The following DHX9 variants were observed in gnomAD, a reference collection of about 807,000 sequenced individuals.
DHX9 encodes ATP-dependent RNA helicase A.
In DHX9, 27 loss-of-function variants were observed where a neutral mutation model predicts 148.7. The observed-to-expected ratio is 0.18, with a 90% CI of 0.13 to 0.25. The LOEUF is 0.25. DHX9 is among the 10% of genes least tolerant of loss of function. The pLI is 1.00. For synonymous variants in DHX9, 529 were observed against 516.6 expected (o/e 1.02, Z -0.33); for missense variants, 796 against 1,559.6 (o/e 0.51, Z 8.25).
At chr1:182,845,087 T>C (rs1668004119) in intron 3 of DHX9, among the ~76,000 whole-genome samples, 2 of 152,254 alleles carry the variant, frequency 1.3e-5, no homozygotes, top group South Asian at 4.1e-4. Flanking sequence ...AAGAACTCGA[T>C]AGACTTACTT....
intron 12 of DHX9, among the ~76,000 whole-genome samples, chr1:182,863,704 A>T (rs1281123891): frequency 6.6e-6 from 1 of 152,168 alleles, no homozygotes; most frequent in African/African-American, 2.4e-5. Context: ...TTAAATAGTC[A>T]TTGATACGCT....
chr1:182,875,395 G>C (rs1255208341), intron 16 of DHX9, among the ~76,000 whole-genome samples: 1 of 152,182 alleles, frequency 6.6e-6, no homozygotes, highest in East Asian at 1.9e-4. Flanking sequence ...TAAAGTTTAA[G>C]AAACAGCAGC....
At chr1:182,868,212 C>G (rs1648386968) in intron 14 of DHX9, among the ~76,000 whole-genome samples, 1 of 152,072 alleles carries the variant, frequency 6.6e-6, no homozygotes, top group Non-Finnish European at 1.5e-5. Flanking sequence ...ACTGATTCAT[C>G]CATCAGTATG....
At chr1:182,841,910 C>A (rs190257974) in intron 1 of DHX9, among the ~76,000 whole-genome samples, 1 of 152,156 alleles carries the variant, frequency 6.6e-6, no homozygotes, top group African/African-American at 2.4e-5. Context: ...TAATAGGTTA[C>A]CGTCTTCAGT....
Position 182,881,442 on chromosome 1 carries a change from G to T in DHX9, c.2786+17G>T. The T allele has an allele frequency of 6.2e-7, 1 of 1,612,092 alleles. No individual in the cohort carries two copies. Among genetic ancestry groups the T allele is most frequent in the Non-Finnish European group, 8.5e-7 (1 of 1,179,110 alleles). ...TGATGCTAGGTATGAGTAAGATTTG[G>T]GTGAGCTGTCTGTAGTTTCTCATTT... On this transcript the variant is annotated intron_variant, in intron 23 of 27. Transcript: ENST00000367549.
intron 18 of DHX9, 72 bp from the exon 19 acceptor site, chr1:182,876,758 A>AC: frequency 8.4e-7 from 1 of 1,191,676 alleles, no homozygotes; most frequent in South Asian, 1.3e-5. Context: ...TTTGTTACAT[A>AC]CATAAGCAAA....
At chr1:182,856,238 T>G (rs1668249203) in intron 6 of DHX9, among the ~76,000 whole-genome samples, 1 of 152,254 alleles carries the variant, frequency 6.6e-6, no homozygotes, top group Non-Finnish European at 1.5e-5. Context: ...TTCTAGCTCT[T>G]GAGACTCCAG....
At chr1:182,882,914 A>G (rs1227726079) in intron 24 of DHX9, among the ~76,000 whole-genome samples, 1 of 151,830 alleles carries the variant, frequency 6.6e-6, no homozygotes, top group African/African-American at 2.4e-5. Flanking sequence ...GGTTGAGTCT[A>G]TAAGAGAATA....
chr1:182,842,989 C>T (rs1201157258), intron 2 of DHX9, among the ~76,000 whole-genome samples: 4 of 152,062 alleles, frequency 2.6e-5, no homozygotes, highest in African/African-American at 9.7e-5. Flanking sequence ...TTCTTGATTG[C>T]TTCAAATCAA....
intron 8 of DHX9, 112 bp from the exon 9 acceptor site, chr1:182,858,439 G>C: frequency 8.9e-7 from 1 of 1,122,620 alleles, no homozygotes; most frequent in Non-Finnish European, 1.3e-6. Context: ...TCTCACAAAA[G>C]GGAACTGACT....
At chr1:182,870,430 G>A (rs764840552) in intron 14 of DHX9, among the ~76,000 whole-genome samples, 2 of 152,156 alleles carry the variant, frequency 1.3e-5, no homozygotes, top group South Asian at 2.1e-4. Context: ...TAAAATAATC[G>A]AGACAGTGAG....
At chr1:182,854,259 T>TAACCAC in intron 6 of DHX9, 81 bp downstream of exon 6, 1 of 1,312,908 alleles carries the variant, frequency 7.6e-7, no homozygotes, top group South Asian at 1.7e-5. Flanking sequence ...TCTATTTTTG[T>TAACCAC]ACGTTGTCTG....
chr1:182,870,429 C>T (rs571261685), intron 14 of DHX9, among the ~76,000 whole-genome samples: 99 of 152,212 alleles, frequency 6.5e-4, no homozygotes, highest in Non-Finnish European at 1.2e-3. Flanking sequence ...CTAAAATAAT[C>T]GAGACAGTGA....
intron 22 of DHX9, among the ~76,000 whole-genome samples, chr1:182,881,059 T>C (rs1214788754): frequency 6.6e-6 from 1 of 152,238 alleles, no homozygotes; most frequent in African/African-American, 2.4e-5. Context: ...TTATGATAAA[T>C]ATGTGGCCAT....
intron 3 of DHX9, among the ~76,000 whole-genome samples, chr1:182,844,075 G>C (rs938982823): frequency 6.6e-6 from 1 of 152,108 alleles, no homozygotes; most frequent in Non-Finnish European, 1.5e-5. Flanking sequence ...CAGCCTCCGA[G>C]TAGCTGGGAT....
At chr1:182,852,208 G>GACAA in intron 3 of DHX9, 25 bp from the exon 4 acceptor site, 1 of 1,541,802 alleles carries the variant, frequency 6.5e-7, no homozygotes, top group Non-Finnish European at 8.9e-7. Context: ...AGCACTGACA[G>GACAA]CTGCCTTGAC....
Position 182,875,997 on chromosome 1 carries a change from T to TA in DHX9, c.1816-52dup. On this transcript the variant is annotated intron_variant, in intron 16 of 27. Coordinates refer to ENST00000367549, the MANE Select transcript of DHX9 (RefSeq NM_001357.5). ...GTCACTAGAAGAAATCTAGAAGACT[T>TA]ACCTCATGAGTAACTGAGACAATCC... 8.4e-6 allele frequency: 12 copies of TA among 1,425,848 alleles called. No individual in the cohort carries two copies. The South Asian group carries it at 1.3e-4, about 16-fold the overall frequency. 88.3% of individuals were successfully genotyped at this position (1,425,848 alleles called of 1,614,324 possible). A position where few individuals can be genotyped will look rare whatever the true frequency, so the allele number is the denominator to read the frequency against.
chr1:182,841,173 C>T (rs1013841165), intron 1 of DHX9, among the ~76,000 whole-genome samples: 2 of 152,066 alleles, frequency 1.3e-5, no homozygotes, highest in Non-Finnish European at 2.9e-5. Context: ...CGCCTGTTGT[C>T]CCAGCTACTC....
chr1:182,840,164 G>A (rs770556096), intron 1 of DHX9, among the ~76,000 whole-genome samples: 3 of 152,124 alleles, frequency 2.0e-5, no homozygotes, highest in African/African-American at 7.2e-5. Context: ...TATTTCACTA[G>A]CCCGGGTGTG....
Sources: allele counts gnomAD v4.1 joint callset (sites outside exome capture counted in the v4.1 genomes callset), GRCh38; gene constraint gnomAD v4.1.1; transcripts MANE v1.5; gene names NCBI Gene and HGNC (gene_info 2026-07-23, HGNC 2026-07-21).